Variants in ATXN2L observed in about 807,000 individuals in gnomAD.
ATXN2L encodes ataxin-2-like protein.
A neutral mutation model predicts 120.7 loss-of-function variants in ATXN2L; 24 were observed. The observed-to-expected ratio is 0.20, with a 90% CI of 0.14 to 0.28. The LOEUF (loss-of-function observed/expected upper bound fraction) is 0.28. ATXN2L is among the 10% of genes least tolerant of loss of function. The probability of loss-of-function intolerance (pLI) is 1.00; values close to 1 mark genes in which losing one functional copy is unlikely to be tolerated. For missense variants in ATXN2L, 1,312 were observed against 1,432.3 expected (o/e 0.92, Z 1.36); for synonymous variants, 653 against 568.1 (o/e 1.15, Z -2.13).
chr16:28,836,943 C>A lies in ATXN2L; in HGVS notation c.*678C>A. Reference sequence around the variant, plus strand: ...TGAATGGGAGGGGCCTCACAGAGGGCAGGGCCAGGGTCCAGCAGGGGTGGG... The same window carrying A: ...TGAATGGGAGGGGCCTCACAGAGGGAAGGGCCAGGGTCCAGCAGGGGTGGG... On this transcript the variant is annotated 3_prime_UTR_variant, in exon 22 of 22. Coordinates refer to ENST00000336783, the MANE Select transcript of ATXN2L (RefSeq NM_007245.4). The A allele has an allele frequency of 1.3e-6, 1 of 753,356 alleles. No homozygotes were observed. The highest frequency in any genetic ancestry group is 2.2e-6 in the Non-Finnish European group (1 of 454,494). The allele number at this position is 753,356 out of a possible 1,614,324, so 46.7% of individuals were successfully genotyped here.
Position 28,835,615 on chromosome 16 carries a change from G to A in ATXN2L, c.2752G>A (p.Ala918Thr), listed in dbSNP as rs779029553. The A allele has an allele frequency of 7.4e-6, 12 of 1,613,970 alleles. No homozygotes were observed. The highest frequency in any genetic ancestry group is 3.3e-4 in the Middle Eastern group (2 of 6,058). ...QPQQNLYHPG[A>T]LTGTPPSLPP... ...ACAGCAGAATCTGTACCACCCAGGG[G>A]CCCTGACAGGCACGCCGCCCTCTCT... The change falls in exon 21 of 22, where the codon GCC becomes ACC. Residue 918 changes from alanine (A) to threonine (T), a missense_variant. By Grantham distance (58) the Ala-to-Thr change is moderately conservative. Transcript: ENST00000336783.
In ATXN2L at chr16:28,833,303, C is replaced by T. The variant is rs1367666843; in HGVS notation, c.1904C>T (p.Pro635Leu). 1.2e-6 allele frequency: 2 copies of T among 1,614,102 alleles called. No individual in the cohort carries two copies. Among genetic ancestry groups the T allele is most frequent in the South Asian group, 1.1e-5 (1 of 91,084 alleles). ...PPPCPSQTGSPPVGLIKGEDK... is the reference protein window; with the variant it reads ...PPPCPSQTGSLPVGLIKGEDK... ...CCTTGTCCAAGCCAAACTGGCAGCCCCCCGGTGGGCCTCATCAAGGGAGAA... is the reference window on the plus strand; with the variant it reads ...CCTTGTCCAAGCCAAACTGGCAGCCTCCCGGTGGGCCTCATCAAGGGAGAA... The change falls in exon 14 of 22, where the codon CCC becomes CTC. Residue 635 changes from proline to leucine, a missense_variant. Physicochemically the swap from Pro to Leu is moderately conservative, Grantham distance 98 (BLOSUM62 -3). Coordinates refer to ENST00000336783, the MANE Select transcript of ATXN2L (RefSeq NM_007245.4).
At chr16:28,834,816 G>T in intron 18 of ATXN2L, 123 bp downstream of exon 18, 1 of 1,264,890 alleles carries the variant, frequency 7.9e-7, no homozygotes, top group South Asian at 1.5e-5. Context: ...GGCCCTCTGT[G>T]GTATTGGCGG....
chr16:28,823,237 T>C lies in ATXN2L; in HGVS notation c.-23T>C. ...CCCTCTCTCCCTCCCTTCTCTCTAA[T>C]TCCCCTTCCGGACGCTGCCATCATG... On this transcript the variant is annotated 5_prime_UTR_variant, in exon 1 of 22. Coordinates refer to ENST00000336783, the MANE Select transcript of ATXN2L (RefSeq NM_007245.4). The C allele has an allele frequency of 7.2e-7, 1 of 1,391,164 alleles. No individual in the cohort carries two copies. Among genetic ancestry groups the C allele is most frequent in the South Asian group, 1.6e-5 (1 of 64,112 alleles). 86.2% of individuals were successfully genotyped at this position (1,391,164 alleles called of 1,614,324 possible).
At chr16:28,833,407 G>A in intron 14 of ATXN2L, 32 bp from the exon 15 acceptor site, 8 of 1,614,122 alleles carry the variant, frequency 5.0e-6, no homozygotes, top group Non-Finnish European at 6.8e-6. Flanking sequence ...ATGAGAGCAA[G>A]CCGTGAAGAT....
intron 5 of ATXN2L, 167 bp from the exon 6 acceptor site, chr16:28,826,695 T>C (rs2052175416): frequency 2.5e-6 from 2 of 785,532 alleles, no homozygotes; most frequent in East Asian, 5.6e-5. Flanking sequence ...TTTATACTCT[T>C]CTTCTCTTGC....
rs1445923640 is a variant in ATXN2L, at chr16:28,835,538, C to G, written c.2686-11C>G. ...GGCCTGTGTGGCACTCAACCTTCCCCTCCCCAGCAGCATCAGGCGGGGCAG... is the reference window on the plus strand; with the variant it reads ...GGCCTGTGTGGCACTCAACCTTCCCGTCCCCAGCAGCATCAGGCGGGGCAG... On this transcript the variant is annotated splice_polypyrimidine_tract_variant and intron_variant, in intron 20 of 21. Transcript: ENST00000336783. 1.2e-6 allele frequency: 2 copies of G among 1,612,930 alleles called. No homozygotes were observed. The highest frequency in any genetic ancestry group is 2.7e-5 in the African/African-American group (2 of 74,854).
At chr16:28,835,487 CGA>C in intron 20 of ATXN2L, 60 bp from the exon 21 acceptor site, 1 of 1,609,980 alleles carries the variant, frequency 6.2e-7, no homozygotes, top group Non-Finnish European at 8.5e-7. Flanking sequence ...TTCTGAGTGG[CGA>C]GGACTGGGGG....
At position 28,826,752 on chromosome 16, in the gene ATXN2L, A is replaced by AC; in HGVS notation, c.617-109dup. 15 of 1,322,908 alleles carry AC rather than the reference A, an allele frequency of 1.1e-5. No homozygotes were observed. In the South Asian group the frequency reaches 2.9e-4, roughly 25 times the overall value. 81.9% of individuals were successfully genotyped at this position (1,322,908 alleles called of 1,614,324 possible). A position where few individuals can be genotyped will look rare whatever the true frequency, so the allele number is the denominator to read the frequency against. On this transcript the variant is annotated intron_variant, in intron 5 of 21. Coordinates refer to ENST00000336783, the MANE Select transcript of ATXN2L (RefSeq NM_007245.4). ...TAACACACGGGCACACGTACTCTGG[A>AC]CTTCTTAAACTTTGTTCCTGAACTA...
At chr16:28,827,455 C>T (rs2052547626) in intron 6 of ATXN2L, among the ~76,000 whole-genome samples, 1 of 152,142 alleles carries the variant, frequency 6.6e-6, no homozygotes, top group South Asian at 2.1e-4. Flanking sequence ...TCAACTTACT[C>T]TCTTACTATC....
Position 28,823,268 on chromosome 16 carries a change from G to A in ATXN2L, c.9G>A (p.Lys3=), listed in dbSNP as rs750474749. Reference sequence around the variant, plus strand: ...TTCCGGACGCTGCCATCATGTTGAAGCCTCAGCCGCTACAACAGCCCTCCC... The same window carrying A: ...TTCCGGACGCTGCCATCATGTTGAAACCTCAGCCGCTACAACAGCCCTCCC... ML[K]PQPLQQPSQP... is the part of the protein sequence containing the mutation. The change falls in exon 1 of 22, where the codon AAG becomes AAA. Residue 3 remains lysine (K), a synonymous_variant. Transcript: ENST00000336783. 3 of 1,491,854 alleles carry A rather than the reference G, an allele frequency of 2.0e-6. No homozygotes were observed. Among genetic ancestry groups the A allele is most frequent in the African/African-American group, 1.5e-5 (1 of 68,840 alleles). The allele number at this position is 1,491,854 out of a possible 1,614,324, so 92.4% of individuals were successfully genotyped here.
intron 4 of ATXN2L, 23 bp downstream of exon 4, chr16:28,825,864 A>G: frequency 1.3e-6 from 2 of 1,599,910 alleles, no homozygotes; most frequent in East Asian, 2.2e-5. Context: ...AAATTTAATT[A>G]TTTTTGGAGT....
rs775402246 is a variant in ATXN2L at position 28,836,401 on chromosome 16, CCTCG to C, written c.*140_*143del. 2 of 1,613,480 alleles carry C rather than the reference CCTCG, an allele frequency of 1.2e-6. No homozygotes were observed. Among genetic ancestry groups the C allele is most frequent in the East Asian group, 2.2e-5 (1 of 44,842 alleles). ...GGCTCTGTCCTTTGCTTCCCTCCGT[CCTCG>C]CTCAGTTGTGATCCAGCAGCCCCCC... On this transcript the variant is annotated 3_prime_UTR_variant, in exon 22 of 22. Transcript: ENST00000336783.
intron 15 of ATXN2L, 136 bp from the exon 16 acceptor site, chr16:28,833,929 T>C (rs2055517492): frequency 9.8e-7 from 1 of 1,017,150 alleles, no homozygotes; most frequent in Non-Finnish European, 1.4e-6. Flanking sequence ...TAGGGTTTAA[T>C]GTGAGGCTTT....
Position 28,823,685 on chromosome 16 carries a change from G to T in ATXN2L, c.299+127G>T, listed in dbSNP as rs555994895. 24 of 1,012,516 alleles carry T rather than the reference G, an allele frequency of 2.4e-5. No homozygotes were observed. In the East Asian group the frequency reaches 7.3e-4, roughly 31 times the overall value. 62.7% of individuals were successfully genotyped at this position (1,012,516 alleles called of 1,614,324 possible). ...CTGGGTGGGGAGTCCCCGTGAAGCT[G>T]GGGGAGGGCCCCCTCAGGTCCGAAC... On this transcript the variant is annotated intron_variant, in intron 1 of 21. Transcript: ENST00000336783.
At chr16:28,829,582 C>A in intron 7 of ATXN2L, 90 bp downstream of exon 7, 1 of 1,052,826 alleles carries the variant, frequency 9.5e-7, no homozygotes, top group Non-Finnish European at 1.4e-6. Context: ...AGTTTTTGCT[C>A]ATTTTTCTCT....
intron 20 of ATXN2L, 69 bp from the exon 21 acceptor site, chr16:28,835,480 T>C: frequency 6.2e-7 from 1 of 1,610,820 alleles, no homozygotes; most frequent in South Asian, 1.1e-5. Flanking sequence ...GGGTCATTTC[T>C]GAGTGGCGAG....
In ATXN2L at chr16:28,833,342, G is replaced by A; in HGVS notation, c.1943G>A (p.Gly648Asp). 6.2e-7 allele frequency: 1 copy of A among 1,613,272 alleles called. No homozygotes were observed. Among genetic ancestry groups the A allele is most frequent in the East Asian group, 2.2e-5 (1 of 44,862 alleles). ...ATCAAGGGAGAAGACAAAGATGAGG[G>A]CCCTGTTGCTGAGTGAGTGGAGCGG... Reference protein sequence around the residue: ...GLIKGEDKDEGPVAEQVKKST... With the variant: ...GLIKGEDKDEDPVAEQVKKST... The change falls in exon 14 of 22, where the codon GGC becomes GAC. Residue 648 changes from glycine (G) to aspartate (D), a missense_variant. Coordinates refer to ENST00000336783, the MANE Select transcript of ATXN2L (RefSeq NM_007245.4).
In ATXN2L at chr16:28,835,770, G is replaced by C. The variant is rs551898029; in HGVS notation, c.2895+12G>C. Reference sequence around the variant, plus strand: ...CCCATGTTACCCAGGTAAGAGCCCAGCTGTCCCACTTCTGGGTCTGTTTGC... The same window carrying C: ...CCCATGTTACCCAGGTAAGAGCCCACCTGTCCCACTTCTGGGTCTGTTTGC... On this transcript the variant is annotated intron_variant, in intron 21 of 21. Transcript: ENST00000336783. 8 of 1,613,972 alleles carry C rather than the reference G, an allele frequency of 5.0e-6. No homozygotes were observed. In the South Asian group the frequency reaches 5.5e-5, roughly 11 times the overall value.
Sources: allele counts gnomAD v4.1 joint callset (sites outside exome capture counted in the v4.1 genomes callset), GRCh38; gene constraint gnomAD v4.1.1; transcripts MANE v1.5; gene names NCBI Gene and HGNC (gene_info 2026-07-23, HGNC 2026-07-21).